The following HS6ST2 variants were observed in gnomAD, a reference collection of about 807,000 sequenced individuals.
The protein encoded by HS6ST2 is heparan sulfate 6-O-sulfotransferase 2.
A neutral mutation model predicts 33.0 loss-of-function variants in HS6ST2; 17 were observed. The observed-to-expected ratio is 0.52, with a 90% CI of 0.35 to 0.77. The LOEUF is 0.77. Among genes scored for constraint, HS6ST2 ranks in the 30% least tolerant of loss-of-function variants. HS6ST2 has a pLI of 0.01. For missense variants in HS6ST2, 519 were observed against 551.7 expected (o/e 0.94, Z 0.59); for synonymous variants, 248 against 237.1 (o/e 1.05, Z -0.42).
intron 4 of HS6ST2, among the ~76,000 whole-genome samples, chrX:132,653,605 G>A (rs1257376122): frequency 9.0e-6 from 1 of 111,664 alleles, no homozygotes; most frequent in Non-Finnish European, 1.9e-5. Flanking sequence ...CTTTCTCAAG[G>A]TGTCAGAGTT....
chrX:132,940,278 T>G (rs1442975245), intron 2 of HS6ST2, among the ~76,000 whole-genome samples: 3 of 112,411 alleles, frequency 2.7e-5, no homozygotes, highest in Non-Finnish European at 3.8e-5. Context: ...TGTGTCTCCT[T>G]TTTCACAATA....
chrX:132,933,184 C>T (rs1384710043), intron 2 of HS6ST2, among the ~76,000 whole-genome samples: 1 of 109,031 alleles, frequency 9.2e-6, no homozygotes, highest in African/African-American at 3.3e-5. Context: ...AAAAATTGGC[C>T]AGGCATGGTG....
intron 2 of HS6ST2, among the ~76,000 whole-genome samples, chrX:132,956,579 G>A (rs948855419): frequency 1.8e-5 from 2 of 112,647 alleles, no homozygotes; most frequent in East Asian, 2.8e-4. Flanking sequence ...CATCACGCAG[G>A]CCACCCTGCG....
chrX:132,641,630 T>C (rs2063602109), intron 4 of HS6ST2, among the ~76,000 whole-genome samples: 1 of 113,123 alleles, frequency 8.8e-6, no homozygotes, highest in Non-Finnish European at 1.9e-5. Context: ...TCTACTTTTC[T>C]CATTTACAAT....
chrX:132,810,167 A>C (rs1486625966), intron 2 of HS6ST2, among the ~76,000 whole-genome samples: 1 of 111,695 alleles, frequency 9.0e-6, no homozygotes, highest in Non-Finnish European at 1.9e-5. Context: ...GTGCTTTGAC[A>C]GGCCGAGGTG....
intron 3 of HS6ST2, among the ~76,000 whole-genome samples, chrX:132,671,698 C>G (rs1347237020): frequency 9.1e-6 from 1 of 110,186 alleles, no homozygotes; most frequent in East Asian, 2.8e-4. Context: ...CCCCTCTAAC[C>G]TACTGCCAAA....
chrX:132,695,374 A>G (rs1422956326), intron 3 of HS6ST2, among the ~76,000 whole-genome samples: 1 of 112,047 alleles, frequency 8.9e-6, no homozygotes, highest in East Asian at 2.8e-4. Context: ...GTTGCTTTTC[A>G]TAGATTCTTA....
chrX:132,854,030 T>G (rs1254144900), intron 2 of HS6ST2, among the ~76,000 whole-genome samples: 1 of 109,967 alleles, frequency 9.1e-6, no homozygotes, highest in Non-Finnish European at 1.9e-5. Flanking sequence ...TGAGACCCTG[T>G]CTCAAAATAA....
chrX:132,783,556 G>A (rs5933192), intron 2 of HS6ST2, among the ~76,000 whole-genome samples: 54,904 of 109,410 alleles, frequency 0.5, 10,376 homozygotes, highest in African/African-American at 0.57. Context: ...CACACCCAAA[G>A]TAGGCCCTGG....
chrX:132,709,653 T>C (rs777477114), intron 2 of HS6ST2, among the ~76,000 whole-genome samples: 52 of 110,618 alleles, frequency 4.7e-4, no homozygotes, highest in African/African-American at 1.6e-3. Flanking sequence ...CAGAGCCCAA[T>C]GTGCTCGTCT....
intron 4 of HS6ST2, among the ~76,000 whole-genome samples, chrX:132,668,018 T>A (rs986901796): frequency 8.9e-6 from 1 of 111,803 alleles, no homozygotes; most frequent in Non-Finnish European, 1.9e-5. Context: ...ATAACCCGCA[T>A]TCAACTTTAT....
chrX:132,651,646 C>T (rs1328933745), intron 4 of HS6ST2, among the ~76,000 whole-genome samples: 1 of 111,846 alleles, frequency 8.9e-6, no homozygotes, highest in Non-Finnish European at 1.9e-5. Flanking sequence ...CTTTATTACT[C>T]TGTGAGTCAC....
rs1483056573 is a variant in HS6ST2 at position 132,634,965 on chromosome X, G to T, written c.1068-5872C>A. On this transcript the variant is annotated intron_variant, in intron 4 of 4. Coordinates refer to ENST00000370833, the MANE Select transcript of HS6ST2 (RefSeq NM_001394073.1). ...AGTCTTGGGAAACCATCTCACAGTG[G>T]ATCCTAGGCTTCTTTTGTCCCTTGC... Among the ~76,000 whole-genome samples, 3 of 111,394 alleles carry T rather than the reference G, an allele frequency of 2.7e-5. No homozygotes were observed. The South Asian group carries it at 1.1e-3, about 43-fold the overall frequency.
intron 4 of HS6ST2, among the ~76,000 whole-genome samples, chrX:132,644,401 G>A (rs2063626312): frequency 9.0e-6 from 1 of 111,166 alleles, no homozygotes; most frequent in Non-Finnish European, 1.9e-5. Context: ...TTGCAGCTAA[G>A]GAAACTGAAC....
intron 2 of HS6ST2, among the ~76,000 whole-genome samples, chrX:132,851,059 A>G (rs1222863072): frequency 8.9e-6 from 1 of 111,988 alleles, no homozygotes; most frequent in Non-Finnish European, 1.9e-5. Context: ...GAGCTATAAA[A>G]TCTGTGTTAT....
chrX:132,788,529 T>C (rs965920247), intron 2 of HS6ST2, among the ~76,000 whole-genome samples: 4 of 111,949 alleles, frequency 3.6e-5, no homozygotes, highest in African/African-American at 1.3e-4. Context: ...CAATGGTCTC[T>C]AAGTGTTCAA....
At chrX:132,843,425 T>C (rs1285010885) in intron 2 of HS6ST2, among the ~76,000 whole-genome samples, 1 of 111,775 alleles carries the variant, frequency 8.9e-6, no homozygotes, top group Non-Finnish European at 1.9e-5. Context: ...TGTGTGTTTT[T>C]TTAAATTCAT....
chrX:132,788,777 G>T (rs2065089851), intron 2 of HS6ST2, among the ~76,000 whole-genome samples: 1 of 112,721 alleles, frequency 8.9e-6, no homozygotes, highest in African/African-American at 3.2e-5. Context: ...CAGCCTTATT[G>T]CGGATATGGA....
chrX:132,905,205 T>C (rs2066460466), intron 2 of HS6ST2, among the ~76,000 whole-genome samples: 1 of 112,119 alleles, frequency 8.9e-6, no homozygotes, highest in South Asian at 3.7e-4. Flanking sequence ...ATGACATCTT[T>C]TGAAGAACAA....
Sources: allele counts gnomAD v4.1 joint callset (sites outside exome capture counted in the v4.1 genomes callset), GRCh38; gene constraint gnomAD v4.1.1; transcripts MANE v1.5; gene names NCBI Gene and HGNC (gene_info 2026-07-23, HGNC 2026-07-21).